Variants in NBEA observed in about 807,000 individuals in gnomAD.
NBEA encodes the protein lysosomal-trafficking regulator 2.
A neutral mutation model predicts 343.4 loss-of-function variants in NBEA; 44 were observed. That is an observed-to-expected ratio of 0.13 (90% CI 0.10 to 0.16). The LOEUF (loss-of-function observed/expected upper bound fraction) is 0.16. Among genes scored for constraint, NBEA ranks in the 10% least tolerant of loss-of-function variants. The pLI is 1.00. For synonymous variants in NBEA, 1,175 were observed against 1,238.7 expected (o/e 0.95, Z 1.08); for missense variants, 2,555 against 3,631.3 (o/e 0.70, Z 7.62).
chr13:35,432,657 C>T (rs540402690), intron 39 of NBEA, among the ~76,000 whole-genome samples: 1 of 151,606 alleles, frequency 6.6e-6, no homozygotes, highest in South Asian at 2.1e-4. Flanking sequence ...ACTAACAGTC[C>T]TTTCATATAT....
intron 18 of NBEA, among the ~76,000 whole-genome samples, chr13:35,149,503 A>G (rs915232097): frequency 2.0e-5 from 3 of 152,204 alleles, no homozygotes; most frequent in African/African-American, 4.8e-5. Context: ...ATATATATAC[A>G]TAATGCAAAA....
chr13:35,333,633 T>C (rs529604680), intron 36 of NBEA, among the ~76,000 whole-genome samples: 1 of 152,090 alleles, frequency 6.6e-6, no homozygotes, highest in Non-Finnish European at 1.5e-5. Context: ...TTAGGCCTTA[T>C]TCATTCTTTC....
At chr13:35,352,372 ATAGT>A (rs781049708) in intron 38 of NBEA, 49 bp downstream of exon 38, 113 of 1,014,682 alleles carry the variant, frequency 1.1e-4, no homozygotes, top group Non-Finnish European at 1.4e-4. Flanking sequence ...GTTAATTATA[ATAGT>A]TGGTAATAAA....
chr13:35,025,054 T>C (rs569091351), intron 1 of NBEA, among the ~76,000 whole-genome samples: 51 of 152,332 alleles, frequency 3.3e-4, no homozygotes, highest in African/African-American at 1.1e-3. Flanking sequence ...TTCATATTTC[T>C]TATAGATTCT....
chr13:35,476,234 C>T (rs1326154978), intron 41 of NBEA: 2 of 1,574,880 alleles, frequency 1.3e-6, no homozygotes, highest in Admixed American at 3.4e-5. Flanking sequence ...GGTGGAGAAA[C>T]GGGCCGCAAC....
chr13:35,131,459 T>C (rs2067423829), intron 17 of NBEA, among the ~76,000 whole-genome samples: 1 of 152,212 alleles, frequency 6.6e-6, no homozygotes, highest in Admixed American at 6.5e-5. Context: ...TATATAATTA[T>C]GATGTGTGCA....
chr13:35,467,962 C>T (rs931286069), intron 40 of NBEA, among the ~76,000 whole-genome samples: 6 of 152,154 alleles, frequency 3.9e-5, no homozygotes, highest in African/African-American at 1.4e-4. Flanking sequence ...TTTAATTAAA[C>T]TCCAACTCTT....
intron 30 of NBEA, among the ~76,000 whole-genome samples, chr13:35,190,000 T>A (rs1593675143): frequency 6.6e-6 from 1 of 152,040 alleles, no homozygotes; most frequent in South Asian, 2.1e-4. Context: ...CCAGTGGTAG[T>A]TTTGAAAACC....
At chr13:35,650,072 G>A (rs1165212848) in intron 52 of NBEA, among the ~76,000 whole-genome samples, 1 of 152,162 alleles carries the variant, frequency 6.6e-6, no homozygotes, top group African/African-American at 2.4e-5. Context: ...CAACTACTCA[G>A]TAACTATTTG....
intron 36 of NBEA, among the ~76,000 whole-genome samples, chr13:35,343,335 A>G: frequency 6.6e-6 from 1 of 152,166 alleles, no homozygotes; most frequent in African/African-American, 2.4e-5. Context: ...AGTTATCAAA[A>G]TATCCAGGAG....
chr13:35,300,836 A>G (rs2036490580), intron 35 of NBEA, among the ~76,000 whole-genome samples: 1 of 151,882 alleles, frequency 6.6e-6, no homozygotes, highest in Non-Finnish European at 1.5e-5. Flanking sequence ...TATAGGATAC[A>G]TTTTTCTTCT....
At chr13:35,569,521 C>T (rs1047179074) in intron 45 of NBEA, among the ~76,000 whole-genome samples, 16 of 152,118 alleles carry the variant, frequency 1.1e-4, no homozygotes, top group Non-Finnish European at 7.4e-5. Context: ...TTAAAGGAAA[C>T]TTATAGACTG....
intron 1 of NBEA, among the ~76,000 whole-genome samples, chr13:34,944,188 A>G (rs1437154027): frequency 2.0e-5 from 3 of 152,226 alleles, no homozygotes; most frequent in East Asian, 1.9e-4. Flanking sequence ...ATCGAGAGCA[A>G]TCAGTTGAGT....
chr13:35,402,729 C>G (rs1471183514), intron 38 of NBEA, among the ~76,000 whole-genome samples: 1 of 152,062 alleles, frequency 6.6e-6, no homozygotes, highest in Non-Finnish European at 1.5e-5. Context: ...AAACATTTTT[C>G]TTTGGCATGT....
chr13:35,459,971 CTG>C (rs1182274019), intron 40 of NBEA, among the ~76,000 whole-genome samples: 36 of 152,300 alleles, frequency 2.4e-4, no homozygotes, highest in African/African-American at 8.7e-4. Context: ...AAGCCTAACT[CTG>C]TGCATTGCAA....
intron 40 of NBEA, among the ~76,000 whole-genome samples, chr13:35,453,894 C>T (rs766331704): frequency 1.8e-4 from 27 of 151,966 alleles, no homozygotes; most frequent in Non-Finnish European, 3.7e-4. Context: ...AGTTCAAACA[C>T]CTAAAGAACA....
chr13:35,536,506 G>A lies in NBEA; in HGVS notation c.6586-13971G>A, dbSNP rs528108804. On this transcript the variant is annotated intron_variant, in intron 41 of 58. Transcript: ENST00000379939. ...GCTAATACAGAGAGTTCCTATATAT[G>A]TGTGTGTATTGGTCCTGTTTTTTTC... 1.1e-3 allele frequency among the ~76,000 whole-genome samples: 163 copies of A among 152,128 alleles called. 1 individual carries two copies. Among genetic ancestry groups the A allele is most frequent in the Admixed American group, 4.7e-3 (72 of 15,280 alleles).
chr13:35,049,652 A>G (rs1277188912), intron 5 of NBEA, among the ~76,000 whole-genome samples: 4 of 151,874 alleles, frequency 2.6e-5, no homozygotes, highest in Non-Finnish European at 4.4e-5. Flanking sequence ...GAGATCATAC[A>G]TTAATTTCAG....
At chr13:35,434,060 A>G (rs1033114319) in intron 39 of NBEA, among the ~76,000 whole-genome samples, 2 of 152,148 alleles carry the variant, frequency 1.3e-5, no homozygotes, top group Admixed American at 6.5e-5. Flanking sequence ...ATTACATTCC[A>G]CAATCTACAG....
Sources: allele counts gnomAD v4.1 joint callset (sites outside exome capture counted in the v4.1 genomes callset), GRCh38; gene constraint gnomAD v4.1.1; transcripts MANE v1.5; gene names NCBI Gene and HGNC (gene_info 2026-07-23, HGNC 2026-07-21).